The following KIF13A variants were observed in gnomAD, a reference collection of about 807,000 sequenced individuals.
KIF13A encodes the protein kinesin family member 13A, also known as kinesin-like protein KIF13A.
Under a neutral mutation model 212.2 loss-of-function variants are expected in KIF13A, and 79 were observed. The ratio of observed to expected loss-of-function variants is 0.37; its 90% CI spans 0.31 to 0.45. KIF13A has a LOEUF of 0.45. Among genes scored for constraint, KIF13A ranks in the 20% least tolerant of loss-of-function variants. The pLI is 1.00. For missense variants in KIF13A, 1,901 were observed against 2,209.0 expected, an observed-to-expected ratio of 0.86 and a Z score of 2.79; for synonymous variants, 789 against 808.6, an observed-to-expected ratio of 0.98 and a Z score of 0.41.
chr6:17,879,550 T>A (rs1276724111), intron 3 of KIF13A, among the ~76,000 whole-genome samples: 1 of 152,200 alleles, frequency 6.6e-6, no homozygotes, highest in Admixed American at 6.5e-5. Context: ...TGGGGTCCCC[T>A]TCAGCATCAT....
chr6:17,831,270 G>C (rs745657934), intron 12 of KIF13A, 35 bp from the exon 13 acceptor site: 29 of 1,595,476 alleles, frequency 1.8e-5, no homozygotes, highest in African/African-American at 4.1e-5. Context: ...AGGAAACTCT[G>C]TTTGTTGTTC....
Position 17,898,252 on chromosome 6 carries a change from G to T in KIF13A, c.147-72C>A, listed in dbSNP as rs947670339. On this transcript the variant is annotated intron_variant, in intron 2 of 38. Transcript: ENST00000259711. This position sits in a 1 kb window ranked among gnomAD's most constrained non-coding sequence, Gnocchi z 5.2. ...TGTCAACACAGCAGCCACATCAGAG[G>T]GAAACAATGAAAGAGAAAAAAATAA... 2.1e-6 allele frequency: 3 copies of T among 1,431,998 alleles called. No homozygotes were observed. The African/African-American group carries it at 4.3e-5, about 20-fold the overall frequency. The allele number at this position is 1,431,998 out of a possible 1,614,324, so 88.7% of individuals were successfully genotyped here.
At position 17,855,425 on chromosome 6, in the gene KIF13A, C is replaced by T. The variant is rs771628611; in HGVS notation, c.494+12G>A. The T allele has an allele frequency of 1.9e-6, 3 of 1,591,278 alleles. No homozygotes were observed. The highest frequency in any genetic ancestry group is 1.4e-5 in the African/African-American group (1 of 73,748). ...CCCCTATTAACACACTTAATCTTGA[C>T]CACTAACTTACCCTTTGGGGTCTAA... On this transcript the variant is annotated intron_variant, in intron 6 of 38. Coordinates refer to ENST00000259711, the MANE Select transcript of KIF13A (RefSeq NM_022113.6). The surrounding 1 kb of genome is among the most constrained non-coding windows in gnomAD (Gnocchi z 4.1).
chr6:17,813,946 TGC>T (rs1472537753), intron 17 of KIF13A, among the ~76,000 whole-genome samples: 21 of 127,772 alleles, frequency 1.6e-4, no homozygotes, highest in African/African-American at 6.3e-4. Flanking sequence ...TGTAAGGTGC[TGC>T]TTTTTTTTTT....
At position 17,783,843 on chromosome 6, in the gene KIF13A, G is replaced by A. The variant is rs554038665; in HGVS notation, c.3489-142C>T. Reference sequence around the variant, plus strand: ...CTAATGAAATACTTTCATATTTCTTGACTTCCCTGTAGACATAAATCATGG... The same window carrying A: ...CTAATGAAATACTTTCATATTTCTTAACTTCCCTGTAGACATAAATCATGG... On this transcript the variant is annotated intron_variant, in intron 28 of 38. Coordinates refer to ENST00000259711, the MANE Select transcript of KIF13A (RefSeq NM_022113.6). The surrounding 1 kb of genome is among the most constrained non-coding windows in gnomAD (Gnocchi z 4.3). The A allele has an allele frequency of 1.5e-6, 1 of 657,528 alleles. No homozygotes were observed. Among genetic ancestry groups the A allele is most frequent in the African/African-American group, 1.8e-5 (1 of 55,502 alleles). 40.7% of individuals were successfully genotyped at this position (657,528 alleles called of 1,614,324 possible).
At chr6:17,956,651 G>A (rs1370108862) in intron 2 of KIF13A, among the ~76,000 whole-genome samples, 2 of 152,154 alleles carry the variant, frequency 1.3e-5, no homozygotes, top group Non-Finnish European at 2.9e-5. Flanking sequence ...TAATGTTGGG[G>A]TGCTTTAGGT....
chr6:17,873,133 C>A, intron 4 of KIF13A: 1 of 407,570 alleles, frequency 2.5e-6, no homozygotes. Context: ...GGATAAAATA[C>A]CACAAGGAGG....
chr6:17,887,458 G>A (rs1771648558), intron 3 of KIF13A, among the ~76,000 whole-genome samples: 1 of 151,986 alleles, frequency 6.6e-6, no homozygotes, highest in Non-Finnish European at 1.5e-5. Context: ...CTTCTATCTT[G>A]CAGCCGTATG....
chr6:17,947,655 G>A lies in KIF13A; in HGVS notation c.146+39399C>T, dbSNP rs921213467. On this transcript the variant is annotated intron_variant, in intron 2 of 38. Coordinates refer to ENST00000259711, the MANE Select transcript of KIF13A (RefSeq NM_022113.6). The surrounding 1 kb of genome is among the most constrained non-coding windows in gnomAD (Gnocchi z 4.6). The stretch of plus-strand genomic sequence containing the variant: ...ACCAGCCGACCAGCCTGGGCAACAC[G>A]GTGAAACCCTATCTCTACTAAAAAT... Among the ~76,000 whole-genome samples, 6 of 152,018 alleles carry A rather than the reference G, an allele frequency of 3.9e-5. No individual in the cohort carries two copies. Among genetic ancestry groups the A allele is most frequent in the African/African-American group, 7.2e-5 (3 of 41,386 alleles).
chr6:17,881,072 C>T lies in KIF13A; in HGVS notation c.160-7635G>A, dbSNP rs1187155627. On this transcript the variant is annotated intron_variant, in intron 3 of 38. Transcript: ENST00000259711. ...GCCAAAAGCATAGATGTTTTGTAGT[C>T]GTTTTTGAAATCTGAAAGCTATTGC... Among the ~76,000 whole-genome samples the T allele has an allele frequency of 4.6e-5, 7 of 152,152 alleles. No individual in the cohort carries two copies. The East Asian group carries it at 1.3e-3, about 29-fold the overall frequency.
At chr6:17,882,930 T>A (rs1771208150) in intron 3 of KIF13A, among the ~76,000 whole-genome samples, 2 of 152,266 alleles carry the variant, frequency 1.3e-5, no homozygotes, top group African/African-American at 4.8e-5. Context: ...AATCAGATTC[T>A]GTATGTGTGT....
chr6:17,836,971 G>A lies in KIF13A; in HGVS notation c.1062C>T (p.Asn354=), dbSNP rs765030189. ...RYADRAKRIV[N]HAVVNEDPNA... ...TGGGGTCCTCATTCACAACAGCATG[G>A]TTCACAATCCTTTTGGCTCGGTCTG... The change falls in exon 11 of 39, where the codon AAC becomes AAT. Residue 354 remains asparagine, a synonymous_variant. Transcript: ENST00000259711. 1 of 1,613,792 alleles carries A rather than the reference G, an allele frequency of 6.2e-7. No homozygotes were observed. Among genetic ancestry groups the A allele is most frequent in the Admixed American group, 1.7e-5 (1 of 59,992 alleles).
In KIF13A at chr6:17,961,429, A is replaced by G. The variant is rs1403591998; in HGVS notation, c.146+25625T>C. 1.3e-5 allele frequency among the ~76,000 whole-genome samples: 2 copies of G among 152,344 alleles called. No individual in the cohort carries two copies. The highest frequency in any genetic ancestry group is 1.9e-4 in the East Asian group (1 of 5,190). ...CCCAAAATTGGCCCAACAAGCACCAAGCATATTGTAAGCCCTTTATATTCT... is the reference window on the plus strand; with the variant it reads ...CCCAAAATTGGCCCAACAAGCACCAGGCATATTGTAAGCCCTTTATATTCT... On this transcript the variant is annotated intron_variant, in intron 2 of 38. Transcript: ENST00000259711. This position sits in a 1 kb window ranked among gnomAD's most constrained non-coding sequence, Gnocchi z 4.1.
At chr6:17,761,415 C>G (rs940314832), downstream of KIF13A, among the ~76,000 whole-genome samples, 3 of 151,862 alleles carry the variant, frequency 2.0e-5, no homozygotes, top group South Asian at 6.2e-4. Flanking sequence ...AAGAGTTTAG[C>G]TCCTGTTGCC....
intron 2 of KIF13A, among the ~76,000 whole-genome samples, chr6:17,946,268 C>T (rs149301961): frequency 1.1e-3 from 170 of 152,128 alleles, no homozygotes; most frequent in African/African-American, 4.0e-3. Context: ...ATAAAGCATC[C>T]ATCTTAAAAG....
rs1240948453 is a variant in KIF13A, at chr6:17,967,511, T to C, written c.146+19543A>G. On this transcript the variant is annotated intron_variant, in intron 2 of 38. Coordinates refer to ENST00000259711, the MANE Select transcript of KIF13A (RefSeq NM_022113.6). This position sits in a 1 kb window ranked among gnomAD's most constrained non-coding sequence, Gnocchi z 4.1. ...GCTCAATCACTCAAGGATGGAAAACTAAACTTCTCTAGGGCAGAGAAAACT... is the reference window on the plus strand; with the variant it reads ...GCTCAATCACTCAAGGATGGAAAACCAAACTTCTCTAGGGCAGAGAAAACT... Among the ~76,000 whole-genome samples the C allele has an allele frequency of 1.3e-5, 2 of 152,166 alleles. No homozygotes were observed. The highest frequency in any genetic ancestry group is 4.8e-5 in the African/African-American group (2 of 41,436).
At chr6:17,946,706 T>C (rs1269034887) in intron 2 of KIF13A, among the ~76,000 whole-genome samples, 1 of 152,202 alleles carries the variant, frequency 6.6e-6, no homozygotes, top group Non-Finnish European at 1.5e-5. Flanking sequence ...ATGCACATAG[T>C]AAAGTTTAAC....
At chr6:17,779,918 T>G (rs2150305695) in intron 31 of KIF13A, among the ~76,000 whole-genome samples, 1 of 151,888 alleles carries the variant, frequency 6.6e-6, no homozygotes, top group African/African-American at 2.4e-5. Flanking sequence ...CTTTTTTTTT[T>G]TGTATTTTTA....
chr6:17,781,376 A>G (rs1760561677), intron 29 of KIF13A, 75 bp from the exon 30 acceptor site: 1 of 1,438,818 alleles, frequency 7.0e-7, no homozygotes, highest in Non-Finnish European at 9.3e-7. Context: ...ATTTAAATAT[A>G]TGCTTTTTAC....
Sources: allele counts gnomAD v4.1 joint callset (sites outside exome capture counted in the v4.1 genomes callset), GRCh38; gene constraint gnomAD v4.1.1; non-coding constraint Gnocchi (gnomAD v3.1); transcripts MANE v1.5; gene names NCBI Gene and HGNC (gene_info 2026-07-23, HGNC 2026-07-21).